The following ORAI3 variants were observed in gnomAD, a reference collection of about 807,000 sequenced individuals.
The protein encoded by ORAI3 is protein orai-3.
In ORAI3, 15 loss-of-function variants were observed where a neutral mutation model predicts 17.2. The observed-to-expected ratio is 0.87, with a 90% CI of 0.58 to 1.34. ORAI3 has a LOEUF of 1.34. ORAI3 is among the 40% of genes most tolerant of loss of function. The probability of loss-of-function intolerance (pLI) is 0.00; values close to 1 mark genes in which losing one functional copy is unlikely to be tolerated. For missense variants in ORAI3, 405 were observed against 396.7 expected, an observed-to-expected ratio of 1.02 and a Z score of -0.18; for synonymous variants, 178 against 172.4, an observed-to-expected ratio of 1.03 and a Z score of -0.25.
intron 1 of ORAI3, among the ~76,000 whole-genome samples, chr16:30,952,124 CTTTCT>C (rs1567344459): frequency 9.1e-6 from 1 of 109,416 alleles, no homozygotes; most frequent in East Asian, 3.0e-4. Context: ...TCTTTCTTAT[CTTTCT>C]TTTTTTTTTT....
Position 30,949,265 on chromosome 16 carries a change from C to A in ORAI3, c.-25C>A, listed in dbSNP as rs2055908223. 2 of 1,377,772 alleles carry A rather than the reference C, an allele frequency of 1.5e-6. No individual in the cohort carries two copies. Among genetic ancestry groups the A allele is most frequent in the Non-Finnish European group, 1.9e-6 (2 of 1,069,894 alleles). The allele number at this position is 1,377,772 out of a possible 1,614,324, so 85.3% of individuals were successfully genotyped here. A position where few individuals can be genotyped will look rare whatever the true frequency, so the allele number is the denominator to read the frequency against. ...CGAGGCGCTTCCGCCCCGTAGTGAC[C>A]GCCTGGTGCCGCCCCCCCCCCAGGA... On this transcript the variant is annotated 5_prime_UTR_variant, in exon 1 of 2. Transcript: ENST00000318663.
chr16:30,954,206 A>C lies in ORAI3; in HGVS notation c.*362A>C, dbSNP rs1353598400. 4 of 667,938 alleles carry C rather than the reference A, an allele frequency of 6.0e-6. No individual in the cohort carries two copies. The highest frequency in any genetic ancestry group is 3.3e-5 in the South Asian group (2 of 61,536). 41.4% of individuals were successfully genotyped at this position (667,938 alleles called of 1,614,324 possible). A position where few individuals can be genotyped will look rare whatever the true frequency, so the allele number is the denominator to read the frequency against. On this transcript the variant is annotated 3_prime_UTR_variant, in exon 2 of 2. Transcript: ENST00000318663. ...TTCCTATACAGGATGTGAAGGTCAG[A>C]AGGCAGCCAATTGTTGGTTTAATTT...
rs1283881255 is a variant in ORAI3, at chr16:30,953,811, G to A, written c.855G>A (p.Leu285=). The change falls in exon 2 of 2, where the codon CTG becomes CTA. Residue 285 remains leucine, a synonymous_variant. Transcript: ENST00000318663. ...TDRYKQELEE[L]NRLQGELQAV is the part of the protein sequence containing the mutation. ...GCTACAAGCAGGAACTAGAGGAACTGAATCGCCTGCAGGGGGAGCTGCAGG... is the reference window on the plus strand; with the variant it reads ...GCTACAAGCAGGAACTAGAGGAACTAAATCGCCTGCAGGGGGAGCTGCAGG... 1.2e-6 allele frequency: 2 copies of A among 1,612,234 alleles called. No homozygotes were observed. The highest frequency in any genetic ancestry group is 1.7e-6 in the Non-Finnish European group (2 of 1,179,338).
In ORAI3 at chr16:30,953,821, C is replaced by CA; in HGVS notation, c.866dup (p.Glu291GlyfsTer93). On this transcript the variant is annotated frameshift_variant, in exon 2 of 2. Transcript: ENST00000318663. LOFTEE classifies it high-confidence loss of function. ...GGAACTAGAGGAACTGAATCGCCTG[C>CA]AGGGGGAGCTGCAGGCTGTGTGAGA... 6.2e-7 allele frequency: 1 copy of CA among 1,611,154 alleles called. No individual in the cohort carries two copies. The highest frequency in any genetic ancestry group is 8.5e-7 in the Non-Finnish European group (1 of 1,178,820).
chr16:30,953,507 CG>C lies in ORAI3; in HGVS notation c.552del (p.Thr185ProfsTer98). The C allele has an allele frequency of 6.2e-7, 1 of 1,614,234 alleles. No individual in the cohort carries two copies. Among genetic ancestry groups the C allele is most frequent in the South Asian group, 1.1e-5 (1 of 91,090 alleles). The part of the protein sequence containing the change: ...FVPIGAPLDT[P>X]TPMVPTSRVP... ...CCCATTGGGGCTCCCTTGGACACACCGACCCCCATGGTGCCCACATCCCGGG... is the reference window on the plus strand; with the variant it reads ...CCCATTGGGGCTCCCTTGGACACACCACCCCCATGGTGCCCACATCCCGGG... On this transcript the variant is annotated frameshift_variant, in exon 2 of 2. Coordinates refer to ENST00000318663, the MANE Select transcript of ORAI3 (RefSeq NM_152288.3). LOFTEE classifies it high-confidence loss of function.
chr16:30,953,159 C>T, intron 1 of ORAI3, 26 bp from the exon 2 acceptor site: 1 of 1,546,322 alleles, frequency 6.5e-7, no homozygotes, highest in Non-Finnish European at 8.7e-7. Context: ...ATGGGGAGAT[C>T]AGTACATCCC....
chr16:30,953,728 G>T lies in ORAI3; in HGVS notation c.772G>T (p.Val258Leu). ...AGCCATCATGGTACCCGTGGGGCTCGTGTTTGTGGCCTTTGCCCTGCATTT... is the reference window on the plus strand; with the variant it reads ...AGCCATCATGGTACCCGTGGGGCTCTTGTTTGTGGCCTTTGCCCTGCATTT... ...STAIMVPVGL[V>L]FVAFALHFYR... Residue 258 changes from valine (V) to leucine (L), a missense_variant, in exon 2 of 2, where the codon GTG (valine) becomes TTG (leucine). Val to Leu is a conservative substitution (Grantham distance 32). Coordinates refer to ENST00000318663, the MANE Select transcript of ORAI3 (RefSeq NM_152288.3). 6.2e-7 allele frequency: 1 copy of T among 1,614,204 alleles called. No homozygotes were observed. The highest frequency in any genetic ancestry group is 8.5e-7 in the Non-Finnish European group (1 of 1,180,048).
At chr16:30,949,671 C>T in intron 1 of ORAI3, 154 bp downstream of exon 1, 1 of 658,670 alleles carries the variant, frequency 1.5e-6, no homozygotes, top group Non-Finnish European at 2.6e-6. Flanking sequence ...CTGAGCAAGT[C>T]CCTTCTTACG....
chr16:30,953,496 C>T lies in ORAI3; in HGVS notation c.540C>T (p.Pro180=), dbSNP rs2055934754. The T allele has an allele frequency of 1.9e-6, 3 of 1,614,256 alleles. No individual in the cohort carries two copies. Among genetic ancestry groups the T allele is most frequent in the African/African-American group, 1.3e-5 (1 of 75,070 alleles). The part of the protein sequence containing the change: ...GWVKFVPIGA[P]LDTPTPMVPT... The stretch of plus-strand genomic sequence containing the variant: ...TCAAGTTTGTGCCCATTGGGGCTCC[C>T]TTGGACACACCGACCCCCATGGTGC... Residue 180 remains proline (P), a synonymous_variant, in exon 2 of 2, where the codon CCC becomes CCT. Transcript: ENST00000318663.
chr16:30,949,557 A>G, intron 1 of ORAI3, 40 bp downstream of exon 1: 1 of 456,400 alleles, frequency 2.2e-6, no homozygotes, highest in South Asian at 2.0e-5. Context: ...GGGGCAGAGC[A>G]AGTGGGGGGC....
Position 30,949,279 on chromosome 16 carries a change from C to G in ORAI3, c.-11C>G, listed in dbSNP as rs887458417. 3 of 1,391,384 alleles carry G rather than the reference C, an allele frequency of 2.2e-6. No individual in the cohort carries two copies. Among genetic ancestry groups the G allele is most frequent in the Non-Finnish European group, 2.8e-6 (3 of 1,077,150 alleles). 86.2% of individuals were successfully genotyped at this position (1,391,384 alleles called of 1,614,324 possible). A position where few individuals can be genotyped will look rare whatever the true frequency, so the allele number is the denominator to read the frequency against. On this transcript the variant is annotated 5_prime_UTR_variant, in exon 1 of 2. Transcript: ENST00000318663. ...CCCGTAGTGACCGCCTGGTGCCGCC[C>G]CCCCCCCAGGATGAAGGGCGGCGAG...
At chr16:30,950,998 A>AC (rs2055922282) in intron 1 of ORAI3, among the ~76,000 whole-genome samples, 1 of 152,120 alleles carries the variant, frequency 6.6e-6, no homozygotes, top group South Asian at 2.1e-4. Flanking sequence ...AGCAGGGGTG[A>AC]CCGAGGCTGG....
rs1352834577 is a variant in ORAI3, at chr16:30,953,871, A to C, written c.*27A>C. On this transcript the variant is annotated 3_prime_UTR_variant, in exon 2 of 2. Transcript: ENST00000318663. ...ACTGGTGTTAGCCACCGCTCACTGC[A>C]AGCACTGCCTCCCTCCGGGGTCTGT... 6.3e-7 allele frequency: 1 copy of C among 1,587,494 alleles called. No homozygotes were observed. Among genetic ancestry groups the C allele is most frequent in the African/African-American group, 1.3e-5 (1 of 74,328 alleles).
At chr16:30,951,974 C>G (rs1180032485) in intron 1 of ORAI3, among the ~76,000 whole-genome samples, 2 of 152,196 alleles carry the variant, frequency 1.3e-5, no homozygotes, top group East Asian at 1.9e-4. Context: ...TTTGTAAACT[C>G]TGTCCTCAGA....
chr16:30,949,228 G>A lies in ORAI3; in HGVS notation c.-62G>A, dbSNP rs956152086. On this transcript the variant is annotated 5_prime_UTR_variant, in exon 1 of 2. Transcript: ENST00000318663. ...GCCGCCCCCGGGCTTGGGCCGGCCC[G>A]GCTGGGGCCCCCGAGGCGCTTCCGC... 1.3e-5 allele frequency: 16 copies of A among 1,242,150 alleles called. No individual in the cohort carries two copies. The highest frequency in any genetic ancestry group is 1.7e-5 in the Non-Finnish European group (16 of 957,066). The allele number at this position is 1,242,150 out of a possible 1,614,324, so 76.9% of individuals were successfully genotyped here. A position where few individuals can be genotyped will look rare whatever the true frequency, so the allele number is the denominator to read the frequency against.
chr16:30,950,884 T>C (rs2055921679), intron 1 of ORAI3, among the ~76,000 whole-genome samples: 1 of 152,122 alleles, frequency 6.6e-6, no homozygotes, highest in African/African-American at 2.4e-5. Context: ...CGGCAGAATA[T>C]GCAGGTGCAG....
At chr16:30,952,119 CTTATCTTTCTT>C (rs1353444948) in intron 1 of ORAI3, among the ~76,000 whole-genome samples, 7 of 128,608 alleles carry the variant, frequency 5.4e-5, no homozygotes, top group Non-Finnish European at 1.1e-4. Context: ...TCTTTTCTTT[CTTATCTTTCTT>C]TTTTTTTTTT....
Position 30,953,967 on chromosome 16 carries a change from C to A in ORAI3, c.*123C>A, listed in dbSNP as rs2055938897. 1 of 1,109,146 alleles carries A rather than the reference C, an allele frequency of 9.0e-7. No homozygotes were observed. The highest frequency in any genetic ancestry group is 1.3e-5 in the South Asian group (1 of 76,552). 68.7% of individuals were successfully genotyped at this position (1,109,146 alleles called of 1,614,324 possible). ...TGGAGCCACTTCCAGTGGCCACTCT[C>A]AGGCAGAGTTCAGATTCCTGCCCGC... On this transcript the variant is annotated 3_prime_UTR_variant, in exon 2 of 2. Transcript: ENST00000318663.
chr16:30,953,978 C>A lies in ORAI3; in HGVS notation c.*134C>A. ...CCAGTGGCCACTCTCAGGCAGAGTT[C>A]AGATTCCTGCCCGCAGGGTCCTCTG... On this transcript the variant is annotated 3_prime_UTR_variant, in exon 2 of 2. Coordinates refer to ENST00000318663, the MANE Select transcript of ORAI3 (RefSeq NM_152288.3). The A allele has an allele frequency of 9.9e-7, 1 of 1,006,242 alleles. No individual in the cohort carries two copies. Among genetic ancestry groups the A allele is most frequent in the South Asian group, 1.3e-5 (1 of 74,106 alleles). 62.3% of individuals were successfully genotyped at this position (1,006,242 alleles called of 1,614,324 possible). A position where few individuals can be genotyped will look rare whatever the true frequency, so the allele number is the denominator to read the frequency against.
Sources: gnomAD v4.1 joint callset for allele counts (sites outside exome capture counted in the v4.1 genomes callset) on GRCh38, gnomAD v4.1.1 for gene constraint, MANE v1.5 for transcripts, NCBI Gene and HGNC (gene_info 2026-07-23, HGNC 2026-07-21) for gene names.